The following NDEL1 variants were observed in gnomAD, a reference collection of about 807,000 sequenced individuals.
NDEL1 encodes nudE neurodevelopment protein 1 like 1.
A neutral mutation model predicts 45.7 loss-of-function variants in NDEL1; 9 were observed. That is an observed-to-expected ratio of 0.20 (90% CI 0.12 to 0.34). The LOEUF is 0.34. Ranked by LOEUF, NDEL1 falls within the 10% of genes least tolerant of loss-of-function variation. The pLI is 1.00. For missense variants in NDEL1, 306 were observed against 406.2 expected, an observed-to-expected ratio of 0.75 and a Z score of 2.12; for synonymous variants, 133 against 158.6, an observed-to-expected ratio of 0.84 and a Z score of 1.21.
upstream of NDEL1, among the ~76,000 whole-genome samples, chr17:8,432,358 AAAT>A (rs1567722421): frequency 0.097 from 3,255 of 33,386 alleles, 271 homozygotes; most frequent in African/African-American, 0.15. Flanking sequence ...ATATAAATAT[AAAT>A]ATATATATAT....
Position 8,421,660 on chromosome 17 carries a change from C to T in NDEL1, c.-13+8391C>T, listed in dbSNP as rs200468501. On this transcript the variant is annotated intron_variant, in intron 1 of 4. Transcript: ENST00000582812. ...AAATCTATTGTTTTAAGCCACCAGG[C>T]TTGTGGTAATTATAGCAGCCACAGG... Among the ~76,000 whole-genome samples, 8 of 152,292 alleles carry T rather than the reference C, an allele frequency of 5.3e-5. No individual in the cohort carries two copies. The East Asian group carries it at 1.5e-3, about 29-fold the overall frequency.
chr17:8,447,139 T>C (rs1910134381), intron 4 of NDEL1, among the ~76,000 whole-genome samples: 2 of 152,154 alleles, frequency 1.3e-5, no homozygotes, highest in Admixed American at 1.3e-4. Context: ...TGGTTGATCC[T>C]ATTGGTTTTG....
chr17:8,423,522 A>G (rs1263169636), intron 1 of NDEL1, among the ~76,000 whole-genome samples: 1 of 152,134 alleles, frequency 6.6e-6, no homozygotes, highest in East Asian at 1.9e-4. Flanking sequence ...CATCTCTACT[A>G]AAAATACAAA....
chr17:8,439,378 T>G (rs1909583713), intron 1 of NDEL1, among the ~76,000 whole-genome samples: 1 of 150,930 alleles, frequency 6.6e-6, no homozygotes, highest in Admixed American at 6.6e-5. Context: ...GTAGCTGGGA[T>G]TACAGGTGCC....
intron 8 of NDEL1, chr17:8,466,159 G>T (rs972957198): frequency 6.6e-6 from 1 of 152,178 alleles, no homozygotes; most frequent in East Asian, 1.9e-4. Flanking sequence ...TTTGGAAAAT[G>T]TAAGGAGATT....
upstream of NDEL1, chr17:8,435,850 C>T (rs957810768): frequency 6.7e-6 from 3 of 446,448 alleles, no homozygotes; most frequent in Non-Finnish European, 8.9e-6. Flanking sequence ...AGCCCCGCCC[C>T]CGTGCGTCAC....
chr17:8,429,045 G>A (rs1461551713), intron 1 of NDEL1, among the ~76,000 whole-genome samples: 1 of 152,200 alleles, frequency 6.6e-6, no homozygotes, highest in Non-Finnish European at 1.5e-5. Context: ...TTGCATTAGG[G>A]ATTATAGACG....
At position 8,425,339 on chromosome 17, in the gene NDEL1, T is replaced by C. The variant is rs187291767; in HGVS notation, c.-13+12070T>C. On this transcript the variant is annotated intron_variant, in intron 1 of 4. Transcript: ENST00000582812. ...GGCGCATGCCTGTAATCCTAGCACTTTGGGAGGCCAAGGTGGAGGATCGCT... is the reference window on the plus strand; with the variant it reads ...GGCGCATGCCTGTAATCCTAGCACTCTGGGAGGCCAAGGTGGAGGATCGCT... 9.5e-4 allele frequency among the ~76,000 whole-genome samples: 144 copies of C among 152,326 alleles called. 1 individual carries two copies. Among genetic ancestry groups the C allele is most frequent in the African/African-American group, 3.3e-3 (137 of 41,582 alleles).
intron 1 of NDEL1, among the ~76,000 whole-genome samples, chr17:8,427,116 C>A (rs890108631): frequency 2.6e-5 from 4 of 152,190 alleles, no homozygotes; most frequent in African/African-American, 9.7e-5. Flanking sequence ...TCATCTCTAC[C>A]CAATTCCAGC....
At chr17:8,435,752 T>C (rs528489495), upstream of NDEL1, 136 of 344,916 alleles carry the variant, frequency 3.9e-4, 1 homozygote, top group South Asian at 2.5e-3. Context: ...CAGCTTGGCG[T>C]CAGCGCGCCG....
chr17:8,452,740 C>CTTTTT, intron 6 of NDEL1, among the ~76,000 whole-genome samples: 3 of 95,582 alleles, frequency 3.1e-5, no homozygotes, highest in African/African-American at 1.2e-4. Context: ...TTTTTCTTCT[C>CTTTTT]TTTTTTTTTT....
At chr17:8,441,264 A>G (rs1482514302) in intron 1 of NDEL1, among the ~76,000 whole-genome samples, 4 of 152,226 alleles carry the variant, frequency 2.6e-5, no homozygotes, top group African/African-American at 9.6e-5. Flanking sequence ...CCAAATCATT[A>G]TAGGCTAAAA....
At chr17:8,427,632 T>C (rs987005001) in intron 1 of NDEL1, among the ~76,000 whole-genome samples, 2 of 152,110 alleles carry the variant, frequency 1.3e-5, no homozygotes, top group African/African-American at 4.8e-5. Context: ...CGCTTGAACC[T>C]GGGAGGCAGA....
intron 1 of NDEL1, among the ~76,000 whole-genome samples, chr17:8,415,667 C>G (rs1908530961): frequency 6.6e-6 from 1 of 152,128 alleles, no homozygotes; most frequent in Admixed American, 6.5e-5. Context: ...AACTCCTGGG[C>G]TCTTGCCTCG....
At position 8,414,622 on chromosome 17, in the gene NDEL1, G is replaced by A. The variant is rs148833143; in HGVS notation, c.-13+1353G>A. Among the ~76,000 whole-genome samples, 223 of 152,188 alleles carry A rather than the reference G, an allele frequency of 1.5e-3. 3 individuals are homozygous for A. The highest frequency in any genetic ancestry group is 5.1e-3 in the African/African-American group (213 of 41,528). ...GCGGAGCTGGCAGTGAGCTGAGATC[G>A]CGCCACTGCACTCTAGCCTGGACGA... On this transcript the variant is annotated intron_variant, in intron 1 of 4. Coordinates refer to the NDEL1 transcript ENST00000582812.
chr17:8,448,467 G>A (rs1910239741), intron 4 of NDEL1, 83 bp from the exon 5 acceptor site: 7 of 1,428,576 alleles, frequency 4.9e-6, no homozygotes, highest in Non-Finnish European at 6.6e-6. Context: ...GAAATGTCAC[G>A]AGATAAACTG....
At chr17:8,423,819 T>C (rs1381476300) in intron 1 of NDEL1, among the ~76,000 whole-genome samples, 2 of 152,222 alleles carry the variant, frequency 1.3e-5, no homozygotes, top group Admixed American at 1.3e-4. Flanking sequence ...TTGGGAGCCC[T>C]TCCTTTGAGG....
At chr17:8,442,778 T>TTTTTTTTTTTTTTTTTTTTTTTC (rs1909831582) in intron 1 of NDEL1, among the ~76,000 whole-genome samples, 1 of 2,152 alleles carries the variant, frequency 4.6e-4, no homozygotes, top group Non-Finnish European at 0.015. Context: ...ATTTATTTAC[T>TTTTTTTTTTTTTTTTTTTTTTTC]TTTTTTTTTT....
chr17:8,468,039 TG>T lies in NDEL1; in HGVS notation c.*1017del, dbSNP rs1419423782. The T allele has an allele frequency of 4.6e-5, 7 of 152,686 alleles. No individual in the cohort carries two copies. The highest frequency in any genetic ancestry group is 3.9e-4 in the Admixed American group (6 of 15,288). 9.5% of individuals were successfully genotyped at this position (152,686 alleles called of 1,614,324 possible). On this transcript the variant is annotated 3_prime_UTR_variant, in exon 9 of 9. Coordinates refer to ENST00000334527, the MANE Select transcript of NDEL1 (RefSeq NM_030808.5). ...TTATTTATTCAGAACGCATACGGCA[TG>T]TTAATGACTCTGATGGTGTCCTCCT...
Sources: gnomAD v4.1 joint callset for allele counts (sites outside exome capture counted in the v4.1 genomes callset) on GRCh38, gnomAD v4.1.1 for gene constraint, MANE v1.5 for transcripts, NCBI Gene and HGNC (gene_info 2026-07-23, HGNC 2026-07-21) for gene names.